ERLEC1: variants seen among roughly 807,000 people sequenced by gnomAD.
ERLEC1 encodes ER lectin.
A neutral mutation model predicts 68.0 loss-of-function variants in ERLEC1; 47 were observed. That is an observed-to-expected ratio of 0.69 (90% CI 0.55 to 0.88). The LOEUF (loss-of-function observed/expected upper bound fraction) is 0.88. ERLEC1 is among the 40% of genes least tolerant of loss of function. ERLEC1 has a pLI of 0.00. For synonymous variants in ERLEC1, 225 were observed against 203.2 expected (o/e 1.11, Z -0.91); for missense variants, 567 against 583.8 (o/e 0.97, Z 0.30).
intron 8 of ERLEC1, among the ~76,000 whole-genome samples, chr2:53,802,549 C>G (rs1313608755): frequency 6.6e-6 from 1 of 152,152 alleles, no homozygotes; most frequent in African/African-American, 2.4e-5. Context: ...CTAATTCTTC[C>G]CACACAGCTG....
At chr2:53,814,402 T>G in intron 11 of ERLEC1, 141 bp from the exon 12 acceptor site, 3 of 518,178 alleles carry the variant, frequency 5.8e-6, no homozygotes, top group Non-Finnish European at 1.0e-5. Context: ...AAAAATATTT[T>G]TTTAAAGAAT....
chr2:53,792,909 C>G (rs1314271002), intron 1 of ERLEC1, among the ~76,000 whole-genome samples: 1 of 151,500 alleles, frequency 6.6e-6, no homozygotes. Flanking sequence ...ACTAGGGAGG[C>G]TAAGGCGGGA....
rs748771822 is a variant in ERLEC1 at position 53,795,985 on chromosome 2, T to G, written c.320T>G (p.Leu107Arg). The G allele has an allele frequency of 2.6e-5, 42 of 1,603,618 alleles. No homozygotes were observed. ...AATCCAAGAGAGCTTTTGGAGCCAC[T>G]ATTTAAACAAAGCAGTTGTTCCTAC... The part of the protein sequence containing the change: ...GPNPRELLEP[L>R]FKQSSCSYRI... Residue 107 changes from leucine (L) to arginine (R), a missense_variant, in exon 3 of 14, where the codon CTA becomes CGA. Coordinates refer to ENST00000185150, the MANE Select transcript of ERLEC1 (RefSeq NM_015701.5).
intron 10 of ERLEC1, 52 bp from the exon 11 acceptor site, chr2:53,812,897 T>A: frequency 6.3e-7 from 1 of 1,584,468 alleles, no homozygotes; most frequent in South Asian, 1.2e-5. Context: ...AGCATAAATA[T>A]CTACTTGATG....
intron 4 of ERLEC1, 21 bp downstream of exon 4, chr2:53,797,613 T>G (rs1203005788): frequency 6.3e-7 from 1 of 1,596,680 alleles, no homozygotes; most frequent in South Asian, 1.1e-5. Flanking sequence ...CTTCAAAATA[T>G]TATTATGAAA....
intron 8 of ERLEC1, among the ~76,000 whole-genome samples, chr2:53,803,800 G>C (rs1400529609): frequency 6.6e-6 from 1 of 152,042 alleles, no homozygotes; most frequent in African/African-American, 2.4e-5. Context: ...AAGAAAAATT[G>C]AATTTTTTAA....
chr2:53,801,785 G>A lies in ERLEC1; in HGVS notation c.822G>A (p.Leu274=). The A allele has an allele frequency of 6.2e-7, 1 of 1,613,954 alleles. No homozygotes were observed. Among genetic ancestry groups the A allele is most frequent in the Non-Finnish European group, 8.5e-7 (1 of 1,179,864 alleles). ...LPGSPFKPLT[L]RQLEQQEEIL... Reference sequence around the variant, plus strand: ...GATCTCCATTTAAGCCCCTCACCCTGAGGCAGCTGGAGCAGCAGGAAGAAA... The same window carrying A: ...GATCTCCATTTAAGCCCCTCACCCTAAGGCAGCTGGAGCAGCAGGAAGAAA... Residue 274 remains leucine (L), a synonymous_variant, in exon 8 of 14, where the codon CTG becomes CTA. Coordinates refer to ENST00000185150, the MANE Select transcript of ERLEC1 (RefSeq NM_015701.5).
At chr2:53,798,529 G>C (rs1035269902) in intron 5 of ERLEC1, among the ~76,000 whole-genome samples, 3 of 151,812 alleles carry the variant, frequency 2.0e-5, no homozygotes, top group African/African-American at 7.3e-5. Flanking sequence ...CAAAGTCCTG[G>C]GATCGTATGC....
rs1573052328 is a variant in ERLEC1, at chr2:53,787,159, C to G, written c.-52C>G. The G allele has an allele frequency of 6.6e-7, 1 of 1,520,602 alleles. No individual in the cohort carries two copies. Among genetic ancestry groups the G allele is most frequent in the African/African-American group, 1.4e-5 (1 of 72,802 alleles). 94.2% of individuals were successfully genotyped at this position (1,520,602 alleles called of 1,614,324 possible). ...TCCACCTCCTCCTCCTCCTCCTCTC[C>G]TCCTGGAGCAGAGGAGGTTGTGGCG... On this transcript the variant is annotated 5_prime_UTR_variant, in exon 1 of 14. Coordinates refer to ENST00000185150, the MANE Select transcript of ERLEC1 (RefSeq NM_015701.5).
intron 10 of ERLEC1, among the ~76,000 whole-genome samples, chr2:53,811,825 A>C (rs17045262): frequency 1.3e-5 from 2 of 152,102 alleles, no homozygotes; most frequent in African/African-American, 4.8e-5. Context: ...TCTAGTTGCT[A>C]AAAACAAATG....
In ERLEC1 at chr2:53,801,274, G is replaced by A. The variant is rs538112855; in HGVS notation, c.526-123G>A. 3.0e-4 allele frequency: 193 copies of A among 636,270 alleles called. 3 individuals are homozygous for A. Among genetic ancestry groups the A allele is most frequent in the South Asian group, 2.8e-3 (130 of 46,060 alleles). 39.4% of individuals were successfully genotyped at this position (636,270 alleles called of 1,614,324 possible). A position where few individuals can be genotyped will look rare whatever the true frequency, so the allele number is the denominator to read the frequency against. On this transcript the variant is annotated intron_variant, in intron 6 of 13. Transcript: ENST00000185150. ...GAGGGAGAACTTAAAATATAGAAGT[G>A]TTACCTTTCAGTTAATTAGTAAAAT...
intron 6 of ERLEC1, among the ~76,000 whole-genome samples, chr2:53,800,062 A>G (rs932902888): frequency 2.6e-5 from 4 of 152,170 alleles, no homozygotes; most frequent in East Asian, 1.9e-4. Context: ...TCTCCCAAAA[A>G]CCTTTTAATA....
At chr2:53,810,728 G>T (rs565476542) in intron 10 of ERLEC1, among the ~76,000 whole-genome samples, 1 of 152,292 alleles carries the variant, frequency 6.6e-6, no homozygotes, top group South Asian at 2.1e-4. Flanking sequence ...AATGAATGAG[G>T]CATCCATAGA....
At chr2:53,810,501 G>A in intron 10 of ERLEC1, among the ~76,000 whole-genome samples, 1 of 152,158 alleles carries the variant, frequency 6.6e-6, no homozygotes. Context: ...ACTTTGTTTA[G>A]TAAAGTAAGC....
intron 6 of ERLEC1, among the ~76,000 whole-genome samples, chr2:53,799,583 C>T (rs1675900163): frequency 6.6e-6 from 1 of 152,114 alleles, no homozygotes; most frequent in South Asian, 2.1e-4. Context: ...TAAATGATTT[C>T]TGTAACATAG....
chr2:53,793,005 C>CAAAA (rs58494548), intron 1 of ERLEC1, among the ~76,000 whole-genome samples: 1 of 127,738 alleles, frequency 7.8e-6, no homozygotes, highest in Non-Finnish European at 1.7e-5. Context: ...GACCCTGTCT[C>CAAAA]AAAAAAAAAA....
intron 6 of ERLEC1, among the ~76,000 whole-genome samples, chr2:53,800,705 A>C (rs893475495): frequency 4.6e-5 from 7 of 152,118 alleles, no homozygotes; most frequent in Non-Finnish European, 1.0e-4. Flanking sequence ...TGTAGAGAAA[A>C]GTGTAGGAGC....
chr2:53,787,119 C>A lies in ERLEC1; in HGVS notation c.-92C>A. On this transcript the variant is annotated 5_prime_UTR_variant, in exon 1 of 14. Transcript: ENST00000185150. ...CGGTGATACCCGGGCGCTTTATAGT[C>A]CCGCCGCCTCCTCCTCCACCTCCTC... The A allele has an allele frequency of 2.9e-6, 4 of 1,364,528 alleles. No individual in the cohort carries two copies. Among genetic ancestry groups the A allele is most frequent in the Non-Finnish European group, 3.8e-6 (4 of 1,045,088 alleles). 84.5% of individuals were successfully genotyped at this position (1,364,528 alleles called of 1,614,324 possible).
At chr2:53,803,170 C>T (rs190543915) in intron 8 of ERLEC1, among the ~76,000 whole-genome samples, 1 of 152,278 alleles carries the variant, frequency 6.6e-6, no homozygotes. Context: ...GCAGAAGAAA[C>T]ATACTTGGCT....
Sources: allele counts gnomAD v4.1 joint callset (sites outside exome capture counted in the v4.1 genomes callset), GRCh38; gene constraint gnomAD v4.1.1; transcripts MANE v1.5; gene names NCBI Gene and HGNC (gene_info 2026-07-23, HGNC 2026-07-21).